Variants in FANCA observed in about 807,000 individuals in gnomAD.
FANCA encodes FA complementation group A.
FANCA carries 236 observed loss-of-function variants against 194.3 expected under a neutral mutation model. The observed-to-expected ratio is 1.21, with a 90% CI of 1.09 to 1.35. The LOEUF is 1.35. Ranked by LOEUF, FANCA falls within the 40% of genes most tolerant of loss-of-function variation. The pLI, the probability that FANCA is intolerant of heterozygous loss-of-function variation, is 0.00. For missense variants in FANCA, 2,628 were observed against 1,813.9 expected (o/e 1.45, Z -8.15); for synonymous variants, 1,014 against 715.8 (o/e 1.42, Z -6.65).
At chr16:89,756,602 A>G (rs1481495883) in intron 30 of FANCA, among the ~76,000 whole-genome samples, 1 of 134,878 alleles carries the variant, frequency 7.4e-6, no homozygotes, top group African/African-American at 2.5e-5. Flanking sequence ...CCTGGGTGAC[A>G]AAGAAAGACC....
At position 89,778,808 on chromosome 16, in the gene FANCA, G is replaced by A. The variant is rs2143422308; in HGVS notation, c.1819C>T (p.Leu607=). 6.2e-7 allele frequency: 1 copy of A among 1,614,044 alleles called. No homozygotes were observed. Among genetic ancestry groups the A allele is most frequent in the East Asian group, 2.2e-5 (1 of 44,886 alleles). ...PDSRVAFIES[L]KRADKIPPSL... ...CTAACCGTTGCTGCATACCTCTTCAGAGACTCTATAAACGCCACACGGGAG... is the reference window on the plus strand; with the variant it reads ...CTAACCGTTGCTGCATACCTCTTCAAAGACTCTATAAACGCCACACGGGAG... Residue 607 remains leucine (L), a synonymous_variant, in exon 20 of 43, where the codon CTG becomes TTG. Transcript: ENST00000389301.
chr16:89,767,926 T>C (rs912675313), intron 26 of FANCA, among the ~76,000 whole-genome samples: 1 of 152,158 alleles, frequency 6.6e-6, no homozygotes, highest in African/African-American at 2.4e-5. Context: ...CCTCAAGTGA[T>C]CTGCCCACCT....
At chr16:89,797,471 G>C (rs1158677277) in intron 10 of FANCA, among the ~76,000 whole-genome samples, 3 of 152,252 alleles carry the variant, frequency 2.0e-5, no homozygotes, top group African/African-American at 7.2e-5. Flanking sequence ...ACATCGTGGA[G>C]ATTCACTTCT....
chr16:89,782,846 C>G lies in FANCA; in HGVS notation c.1626+13G>C, dbSNP rs1341742486. 2.5e-6 allele frequency: 4 copies of G among 1,612,028 alleles called. No homozygotes were observed. The highest frequency in any genetic ancestry group is 3.4e-6 in the Non-Finnish European group (4 of 1,178,236). On this transcript the variant is annotated intron_variant, in intron 17 of 42. Coordinates refer to ENST00000389301, the MANE Select transcript of FANCA (RefSeq NM_000135.4). ...TGACTGGCTGAGACCCTGCAGGGCT[C>G]AAGCAACATTACCTCAGTAATGTCC...
chr16:89,757,251 C>T (rs1237569613), intron 30 of FANCA, among the ~76,000 whole-genome samples: 6 of 152,088 alleles, frequency 3.9e-5, no homozygotes, highest in East Asian at 1.9e-4. Flanking sequence ...TGAGCCACTG[C>T]GCCCAGCCTC....
chr16:89,800,056 G>C (rs941291948), intron 8 of FANCA, among the ~76,000 whole-genome samples: 1 of 152,204 alleles, frequency 6.6e-6, no homozygotes, highest in Non-Finnish European at 1.5e-5. Context: ...CATAGACCTA[G>C]AAATTACTCC....
chr16:89,808,437 T>C lies in FANCA; in HGVS notation c.523-70A>G, dbSNP rs1250511866. 8.1e-6 allele frequency: 12 copies of C among 1,476,962 alleles called. No homozygotes were observed. In the East Asian group the frequency reaches 2.0e-4, roughly 25 times the overall value. 91.5% of individuals were successfully genotyped at this position (1,476,962 alleles called of 1,614,324 possible). On this transcript the variant is annotated intron_variant, in intron 5 of 42. Coordinates refer to ENST00000389301, the MANE Select transcript of FANCA (RefSeq NM_000135.4). ...CCCAGCATTCTGAGTCCTTTATGAA[T>C]GCATTTTCCTACAAAATGTTCAACT...
In FANCA at chr16:89,738,514, C is replaced by T; in HGVS notation, c.*87G>A. On this transcript the variant is annotated 3_prime_UTR_variant, in exon 43 of 43. Transcript: ENST00000389301. ...AAAGCAGTCGAGGAGATTTGTAATC[C>T]ACTTTTTAGTGCAACAAGAGCTCCA... 1 of 1,589,166 alleles carries T rather than the reference C, an allele frequency of 6.3e-7. No homozygotes were observed. Among genetic ancestry groups the T allele is most frequent in the South Asian group, 1.1e-5 (1 of 90,362 alleles).
chr16:89,781,873 C>T (rs2039720543), intron 17 of FANCA, among the ~76,000 whole-genome samples: 1 of 134,486 alleles, frequency 7.4e-6, no homozygotes, highest in African/African-American at 2.9e-5. Context: ...TGGTGGCAGG[C>T]ATCTGTAGGC....
Position 89,792,567 on chromosome 16 carries a change from C to G in FANCA, c.1007-20G>C, listed in dbSNP as rs2040111738. On this transcript the variant is annotated intron_variant, in intron 11 of 42. Coordinates refer to ENST00000389301, the MANE Select transcript of FANCA (RefSeq NM_000135.4). ...CAGATGCTGCAGGGGGAGAAACAGA[C>G]AAAAACTTCAAGTCAGAGATCAAAA... 4 of 1,609,952 alleles carry G rather than the reference C, an allele frequency of 2.5e-6. No individual in the cohort carries two copies. Among genetic ancestry groups the G allele is most frequent in the Non-Finnish European group, 3.4e-6 (4 of 1,178,764 alleles).
chr16:89,778,943 C>G lies in FANCA; in HGVS notation c.1776G>C (p.Val592=). ...CAAACTCATGGAGACGCATACTGACCACTCGAGGTGTGAGCAGGGCGGGGA... is the reference window on the plus strand; with the variant it reads ...CAAACTCATGGAGACGCATACTGACGACTCGAGGTGTGAGCAGGGCGGGGA... ...HFLPALLTPR[V]LPKVPDSRVA... Residue 592 remains valine, a splice_region_variant and synonymous_variant, in exon 19 of 43, where the codon GTG becomes GTC. Transcript: ENST00000389301. 1 of 1,614,134 alleles carries G rather than the reference C, an allele frequency of 6.2e-7. No individual in the cohort carries two copies. The highest frequency in any genetic ancestry group is 2.2e-5 in the East Asian group (1 of 44,888).
In FANCA at chr16:89,746,895, A is replaced by C. The variant is rs1055846604; in HGVS notation, c.3349-5T>G. The stretch of plus-strand genomic sequence containing the variant: ...TCCGTGGGAGCAGAAGTTTCTCTGC[A>C]AAAGAGTTCAAGGCAGGTAAGAAAA... On this transcript the variant is annotated splice_region_variant and splice_polypyrimidine_tract_variant and intron_variant, in intron 33 of 42. Transcript: ENST00000389301. 6.4e-7 allele frequency: 1 copy of C among 1,554,202 alleles called. No homozygotes were observed. Among genetic ancestry groups the C allele is most frequent in the Non-Finnish European group, 8.7e-7 (1 of 1,148,266 alleles).
At chr16:89,787,080 G>A (rs1050822378) in intron 14 of FANCA, among the ~76,000 whole-genome samples, 6 of 152,214 alleles carry the variant, frequency 3.9e-5, no homozygotes, top group African/African-American at 1.4e-4. Context: ...GGTCACAGCA[G>A]CCATTGTTAG....
chr16:89,787,276 C>T (rs1454845301), intron 14 of FANCA, among the ~76,000 whole-genome samples: 1 of 152,160 alleles, frequency 6.6e-6, no homozygotes, highest in Non-Finnish European at 1.5e-5. Context: ...GTGATCCCAA[C>T]ACTTTGGGAG....
chr16:89,765,594 T>C (rs2039100108), intron 27 of FANCA, among the ~76,000 whole-genome samples: 1 of 152,258 alleles, frequency 6.6e-6, no homozygotes, highest in African/African-American at 2.4e-5. Flanking sequence ...AGCCCATCTC[T>C]AGGCCTCTGC....
At chr16:89,740,219 TG>T in intron 38 of FANCA, 120 bp from the exon 39 acceptor site, 3 of 866,828 alleles carry the variant, frequency 3.5e-6, no homozygotes, top group Non-Finnish European at 5.9e-6. Context: ...GTCTTAAAAC[TG>T]GTGACAGTTT....
In FANCA at chr16:89,740,840, G is replaced by A. The variant is rs141128234; in HGVS notation, c.3792C>T (p.Ser1264=). 79 of 1,613,504 alleles carry A rather than the reference G, an allele frequency of 4.9e-5. No homozygotes were observed. The African/African-American group carries it at 8.1e-4, about 17-fold the overall frequency. The part of the protein sequence containing the change: ...EELLVFLFFF[S]LMGLLSSHLT... Reference sequence around the variant, plus strand: ...GATGTGACGACAGCAGGCCCATCAAGGAGAAGAAGAAAAGGAAAACCAATA... The same window carrying A: ...GATGTGACGACAGCAGGCCCATCAAAGAGAAGAAGAAAAGGAAAACCAATA... Residue 1264 remains serine, a synonymous_variant, in exon 38 of 43, where the codon TCC becomes TCT. Transcript: ENST00000389301.
chr16:89,743,749 G>A (rs1348332450), intron 36 of FANCA, among the ~76,000 whole-genome samples: 1 of 152,082 alleles, frequency 6.6e-6, no homozygotes, highest in Admixed American at 6.6e-5. Flanking sequence ...CTTGAACCTG[G>A]GAGGCGGAGG....
chr16:89,740,737 G>A lies in FANCA; in HGVS notation c.3828+67C>T, dbSNP rs768265542. ...GTCTGGAAACCCTGACTTGGAAGCT[G>A]GCTGCCTGGTGCCCCTGCCTGGCCC... On this transcript the variant is annotated intron_variant, in intron 38 of 42. Transcript: ENST00000389301. 4.6e-5 allele frequency: 64 copies of A among 1,385,340 alleles called. No homozygotes were observed. The East Asian group carries it at 1.4e-3, about 31-fold the overall frequency. The allele number at this position is 1,385,340 out of a possible 1,614,324, so 85.8% of individuals were successfully genotyped here. A position where few individuals can be genotyped will look rare whatever the true frequency, so the allele number is the denominator to read the frequency against.
Sources: allele counts gnomAD v4.1 joint callset (sites outside exome capture counted in the v4.1 genomes callset), GRCh38; gene constraint gnomAD v4.1.1; transcripts MANE v1.5; gene names NCBI Gene and HGNC (gene_info 2026-07-23, HGNC 2026-07-21).